The following TRIM24 variants were observed in gnomAD, a reference collection of about 807,000 sequenced individuals.
TRIM24 encodes tripartite motif containing 24.
TRIM24 carries 29 observed loss-of-function variants against 123.9 expected under a neutral mutation model. That is an observed-to-expected ratio of 0.23 (90% confidence interval 0.17 to 0.32). The LOEUF is 0.32. Ranked by LOEUF, TRIM24 falls within the 10% of genes least tolerant of loss-of-function variation. The pLI, the probability that TRIM24 is intolerant of heterozygous loss-of-function variation, is 1.00. For missense variants in TRIM24, 932 were observed against 1,295.3 expected, an observed-to-expected ratio of 0.72 and a Z score of 4.31; for synonymous variants, 456 against 461.1, an observed-to-expected ratio of 0.99 and a Z score of 0.14.
At chr7:138,488,711 G>C (rs1052354874) in intron 1 of TRIM24, among the ~76,000 whole-genome samples, 1 of 152,198 alleles carries the variant, frequency 6.6e-6, no homozygotes, top group Non-Finnish European at 1.5e-5. Context: ...TGGTCTGTGA[G>C]ACAGTTTGTT....
At chr7:138,478,615 A>G (rs915322550) in intron 1 of TRIM24, among the ~76,000 whole-genome samples, 1 of 152,120 alleles carries the variant, frequency 6.6e-6, no homozygotes, top group African/African-American at 2.4e-5. Context: ...TAGCTGGGAC[A>G]ACAGGTGCAT....
At chr7:138,512,285 G>T (rs1192629697) in intron 2 of TRIM24, among the ~76,000 whole-genome samples, 2 of 152,162 alleles carry the variant, frequency 1.3e-5, no homozygotes, top group East Asian at 3.9e-4. Context: ...GCAAGCTGCT[G>T]GTGGGTCTAC....
At chr7:138,493,081 C>G (rs1795829453) in intron 1 of TRIM24, among the ~76,000 whole-genome samples, 1 of 151,980 alleles carries the variant, frequency 6.6e-6, no homozygotes, top group South Asian at 2.1e-4. Flanking sequence ...CTTTTTGGTT[C>G]TTTTCTATAA....
At chr7:138,461,321 A>T in intron 1 of TRIM24, 1 of 501,684 alleles carries the variant, frequency 2.0e-6, no homozygotes, top group Non-Finnish European at 4.0e-6. Context: ...GATCCTGATC[A>T]TCTCGTCTAT....
rs186678202 is a variant in TRIM24 at position 138,529,287 on chromosome 7, T to C, written c.996+57T>C. The C allele has an allele frequency of 1.0e-3, 943 of 910,024 alleles. 10 individuals are homozygous for C. The African/African-American group carries it at 0.015, about 15-fold the overall frequency. The allele number at this position is 910,024 out of a possible 1,614,324, so 56.4% of individuals were successfully genotyped here. On this transcript the variant is annotated intron_variant, in intron 6 of 18. Coordinates refer to ENST00000343526, the MANE Select transcript of TRIM24 (RefSeq NM_015905.3). ...TTCAACATAGTATTTCCTAAAGTACTGTGAAGTAGAAATCATAGTGCTTTT... is the reference window on the plus strand; with the variant it reads ...TTCAACATAGTATTTCCTAAAGTACCGTGAAGTAGAAATCATAGTGCTTTT...
intron 1 of TRIM24, among the ~76,000 whole-genome samples, chr7:138,473,667 A>G (rs953402376): frequency 6.6e-6 from 1 of 152,270 alleles, no homozygotes; most frequent in African/African-American, 2.4e-5. Flanking sequence ...CTATCACTGT[A>G]TGCTTACTAG....
At chr7:138,565,022 T>C (rs1797506424) in intron 9 of TRIM24, among the ~76,000 whole-genome samples, 1 of 152,076 alleles carries the variant, frequency 6.6e-6, no homozygotes, top group South Asian at 2.1e-4. Flanking sequence ...ATTACTAAAT[T>C]GTGGGGCACC....
At chr7:138,545,685 G>C (rs1225602963) in intron 7 of TRIM24, among the ~76,000 whole-genome samples, 2 of 152,082 alleles carry the variant, frequency 1.3e-5, no homozygotes, top group Admixed American at 6.6e-5. Context: ...TCCAGATCTT[G>C]GTTTCAAAAT....
At chr7:138,495,863 C>G (rs533882382) in intron 1 of TRIM24, among the ~76,000 whole-genome samples, 6 of 152,158 alleles carry the variant, frequency 3.9e-5, no homozygotes, top group Non-Finnish European at 8.8e-5. Context: ...ATTTTATTTT[C>G]TCTCAGTCCA....
At chr7:138,462,950 A>G (rs1332896817) in intron 1 of TRIM24, among the ~76,000 whole-genome samples, 1 of 148,586 alleles carries the variant, frequency 6.7e-6, no homozygotes, top group African/African-American at 2.5e-5. Context: ...GCTCACCGCA[A>G]CCTCTGCCTC....
intron 1 of TRIM24, among the ~76,000 whole-genome samples, chr7:138,467,737 T>C (rs1795178546): frequency 6.6e-6 from 1 of 152,254 alleles, no homozygotes; most frequent in South Asian, 2.1e-4. Flanking sequence ...GTAGCATTCT[T>C]GTACAATTTT....
At chr7:138,504,090 T>C (rs1419812929) in intron 1 of TRIM24, among the ~76,000 whole-genome samples, 200 bp from the exon 2 acceptor site, 1 of 152,168 alleles carries the variant, frequency 6.6e-6, no homozygotes, top group Non-Finnish European at 1.5e-5. Flanking sequence ...TTATGAAAAA[T>C]TTATTTATCA....
At position 138,589,508 on chromosome 7, in the gene TRIM24, A is replaced by T. The variant is rs1044993135; in HGVS notation, c.*4557A>T. 1 of 152,226 alleles carries T rather than the reference A, an allele frequency of 6.6e-6. No homozygotes were observed. The highest frequency in any genetic ancestry group is 1.5e-5 in the Non-Finnish European group (1 of 68,042). The allele number at this position is 152,226 out of a possible 1,614,324, so 9.4% of individuals were successfully genotyped here. Reference sequence around the variant, plus strand: ...CTGTAACATTGATCCATATAGGGGCAAGCTACTAGTCCATAAATAGCTGTA... The same window carrying T: ...CTGTAACATTGATCCATATAGGGGCTAGCTACTAGTCCATAAATAGCTGTA... On this transcript the variant is annotated 3_prime_UTR_variant, in exon 19 of 19. Coordinates refer to ENST00000343526, the MANE Select transcript of TRIM24 (RefSeq NM_015905.3).
At chr7:138,518,139 G>A (rs368311695) in intron 3 of TRIM24, among the ~76,000 whole-genome samples, 5 of 151,840 alleles carry the variant, frequency 3.3e-5, no homozygotes, top group South Asian at 2.1e-4. Flanking sequence ...TATCTATTTC[G>A]TGAAATACTA....
At chr7:138,563,796 C>T (rs62485264) in intron 9 of TRIM24, among the ~76,000 whole-genome samples, 32,332 of 152,112 alleles carry the variant, frequency 0.21, 4,409 homozygotes, top group East Asian at 0.49. Flanking sequence ...GAGATATTTC[C>T]TATATTGATT....
chr7:138,571,054 G>A (rs1318478402), intron 11 of TRIM24, 51 bp downstream of exon 11: 1 of 1,577,972 alleles, frequency 6.3e-7, no homozygotes, highest in Non-Finnish European at 8.7e-7. Flanking sequence ...TGTTGGCCGG[G>A]TGCAGTGGCT....
At chr7:138,480,436 T>G (rs143177216) in intron 1 of TRIM24, among the ~76,000 whole-genome samples, 10 of 152,360 alleles carry the variant, frequency 6.6e-5, no homozygotes, top group Non-Finnish European at 1.2e-4. Context: ...AGCTATAGTT[T>G]ATTCATTTTT....
chr7:138,467,536 T>C (rs1019198213), intron 1 of TRIM24, among the ~76,000 whole-genome samples: 1 of 152,172 alleles, frequency 6.6e-6, no homozygotes, highest in African/African-American at 2.4e-5. Flanking sequence ...AGAGACGGGG[T>C]TTCACCATGT....
intron 1 of TRIM24, among the ~76,000 whole-genome samples, chr7:138,495,041 A>G (rs1343167713): frequency 1.3e-5 from 2 of 152,242 alleles, no homozygotes; most frequent in African/African-American, 2.4e-5. Flanking sequence ...AACAACAGCA[A>G]CAACAACAAA....
Sources: allele counts gnomAD v4.1 joint callset (sites outside exome capture counted in the v4.1 genomes callset), GRCh38; gene constraint gnomAD v4.1.1; transcripts MANE v1.5; gene names NCBI Gene and HGNC (gene_info 2026-07-23, HGNC 2026-07-21).